Variants in DEF6 observed in about 807,000 individuals in gnomAD.
The protein encoded by DEF6 is DEF6 guanine nucleotide exchange factor, also known as differentially expressed in FDCP 6 homolog.
In DEF6, 32 loss-of-function variants were observed where a neutral mutation model predicts 80.5. The observed-to-expected ratio is 0.40, with a 90% CI of 0.30 to 0.53. The LOEUF (loss-of-function observed/expected upper bound fraction) is 0.53. DEF6 is among the 20% of genes least tolerant of loss of function. The probability of loss-of-function intolerance (pLI) is 0.57; values close to 1 mark genes in which losing one functional copy is unlikely to be tolerated. For synonymous variants in DEF6, 300 were observed against 337.9 expected (o/e 0.89, Z 1.23); for missense variants, 575 against 818.7 (o/e 0.70, Z 3.63).
Position 35,319,786 on chromosome 6 carries a change from C to T in DEF6, c.1383-33C>T. The stretch of plus-strand genomic sequence containing the variant: ...TGTGCACCTGCAAGGTGCCTTGGCA[C>T]TAGAGGCTACACAGTACACACTCAC... On this transcript the variant is annotated intron_variant, in intron 8 of 10. Transcript: ENST00000316637. The surrounding 1 kb of genome is among the most constrained non-coding windows in gnomAD (Gnocchi z 4.5). The T allele has an allele frequency of 6.2e-7, 1 of 1,608,200 alleles. No homozygotes were observed. The highest frequency in any genetic ancestry group is 1.3e-5 in the African/African-American group (1 of 74,884).
chr6:35,318,223 A>C lies in DEF6; in HGVS notation c.967A>C (p.Lys323Gln), dbSNP rs1163617161. The change falls in exon 7 of 11, where the codon AAG becomes CAG. Residue 323 changes from lysine (K) to glutamine (Q), a missense_variant. Coordinates refer to ENST00000316637, the MANE Select transcript of DEF6 (RefSeq NM_022047.4). This position sits in a 1 kb window ranked among gnomAD's most constrained non-coding sequence, Gnocchi z 5.1. ...LQAEGKTSLH[K>Q]DLKQKRREQR... ...GGCCGAGGGGAAGACGTCCCTACAC[A>C]AGGACCTGAAGCAGAAACGGCGCGA... The C allele has an allele frequency of 2.5e-6, 4 of 1,596,490 alleles. No homozygotes were observed. Among genetic ancestry groups the C allele is most frequent in the Non-Finnish European group, 3.4e-6 (4 of 1,172,690 alleles).
Position 35,317,962 on chromosome 6 carries a change from C to G in DEF6, c.879C>G (p.Ser293Arg). Residue 293 changes from serine to arginine, a missense_variant, in exon 6 of 11, where the codon AGC becomes AGG. Coordinates refer to ENST00000316637, the MANE Select transcript of DEF6 (RefSeq NM_022047.4). ...CAGCCAACCGCACGTATGAGATGAG[C>G]GCCTCAGACACGCGCCAGCGCCAGG... is the stretch of plus-strand genomic sequence containing the variant. ...VKTANRTYEM[S>R]ASDTRQRQEW... 1 of 1,613,928 alleles carries G rather than the reference C, an allele frequency of 6.2e-7. No homozygotes were observed. Among genetic ancestry groups the G allele is most frequent in the Non-Finnish European group, 8.5e-7 (1 of 1,179,970 alleles).
chr6:35,298,581 A>G (rs145987271), intron 1 of DEF6, among the ~76,000 whole-genome samples: 252 of 152,328 alleles, frequency 1.7e-3, no homozygotes, highest in Middle Eastern at 6.8e-3. Flanking sequence ...GACCTCAGGT[A>G]GGGAAGGGGG....
chr6:35,306,229 G>A (rs1791388125), intron 1 of DEF6, among the ~76,000 whole-genome samples: 1 of 149,664 alleles, frequency 6.7e-6, no homozygotes, highest in African/African-American at 2.4e-5. Context: ...ATATAATGTT[G>A]GCCGGGCGCG....
chr6:35,314,643 G>A (rs886365392), intron 5 of DEF6, among the ~76,000 whole-genome samples: 6 of 152,018 alleles, frequency 3.9e-5, no homozygotes, highest in African/African-American at 1.5e-4. Flanking sequence ...AGTTGTTTGA[G>A]CTCCTTATAT....
In DEF6 at chr6:35,315,847, C is replaced by CTTT. The variant is rs1159503411; in HGVS notation, c.808-2024_808-2022dup. Among the ~76,000 whole-genome samples the CTTT allele has an allele frequency of 2.1e-3, 239 of 113,776 alleles. 1 individual carries two copies. Among genetic ancestry groups the CTTT allele is most frequent in the East Asian group, 3.2e-3 (13 of 4,096 alleles). 74.6% of individuals were successfully genotyped at this position (113,776 alleles called of 152,430 possible). On this transcript the variant is annotated intron_variant, in intron 5 of 10. Coordinates refer to ENST00000316637, the MANE Select transcript of DEF6 (RefSeq NM_022047.4). ...CTCTAACGGTTTTTTGTTGGAGTCC[C>CTTT]TTTTTTTTTTTTTTTTTTTTTTGAG...
chr6:35,307,808 A>G (rs1166682311), intron 1 of DEF6, among the ~76,000 whole-genome samples: 2 of 152,218 alleles, frequency 1.3e-5, no homozygotes, highest in Admixed American at 1.3e-4. Flanking sequence ...ACACTGAGGC[A>G]AAGTCTCAAT....
chr6:35,307,722 A>AG (rs1055328361), intron 1 of DEF6, among the ~76,000 whole-genome samples: 1 of 152,168 alleles, frequency 6.6e-6, no homozygotes, highest in African/African-American at 2.4e-5. Flanking sequence ...GAGGGAAATG[A>AG]GGGAAAAAAA....
chr6:35,315,915 A>G (rs1375222360), intron 5 of DEF6, among the ~76,000 whole-genome samples: 5 of 144,766 alleles, frequency 3.5e-5, no homozygotes, highest in African/African-American at 5.3e-5. Context: ...CTGGAGTGCA[A>G]TGGCACGATC....
Position 35,318,465 on chromosome 6 carries a change from G to A in DEF6, c.1209G>A (p.Ala403=), listed in dbSNP as rs1436532219. 1 of 1,426,898 alleles carries A rather than the reference G, an allele frequency of 7.0e-7. No individual in the cohort carries two copies. The highest frequency in any genetic ancestry group is 1.5e-5 in the South Asian group (1 of 67,918). 88.4% of individuals were successfully genotyped at this position (1,426,898 alleles called of 1,614,324 possible). A position where few individuals can be genotyped will look rare whatever the true frequency, so the allele number is the denominator to read the frequency against. Residue 403 remains alanine (A), a synonymous_variant, in exon 7 of 11, where the codon GCG becomes GCA. Transcript: ENST00000316637. This position sits in a 1 kb window ranked among gnomAD's most constrained non-coding sequence, Gnocchi z 5.1. The part of the protein sequence containing the change: ...QQALEGQLRE[A]EQARASMQAE... ...CGCTCGAGGGCCAACTGCGCGAGGC[G>A]GAGCAGGTGGGGTTAGCTCCCGGCG... is the stretch of plus-strand genomic sequence containing the variant.
intron 1 of DEF6, among the ~76,000 whole-genome samples, chr6:35,307,378 G>A (rs574570380): frequency 1.5e-4 from 23 of 152,348 alleles, no homozygotes; most frequent in Middle Eastern, 3.4e-3. Flanking sequence ...TAGCCTGGGC[G>A]GCAGATTTGG....
chr6:35,304,132 C>A lies in DEF6; in HGVS notation c.97-5538C>A, dbSNP rs144889977. Among the ~76,000 whole-genome samples, 226 of 151,564 alleles carry A rather than the reference C, an allele frequency of 1.5e-3. 1 individual carries two copies. The highest frequency in any genetic ancestry group is 1.2e-3 in the Non-Finnish European group (81 of 67,840). ...TGGGCACAAGAGCAAAACTACATTGCAAAAAAAAGAAAACACACACACACA... is the reference window on the plus strand; with the variant it reads ...TGGGCACAAGAGCAAAACTACATTGAAAAAAAAAGAAAACACACACACACA... On this transcript the variant is annotated intron_variant, in intron 1 of 10. Coordinates refer to ENST00000316637, the MANE Select transcript of DEF6 (RefSeq NM_022047.4).
chr6:35,309,024 G>A (rs1010317632), intron 1 of DEF6, among the ~76,000 whole-genome samples: 2 of 152,130 alleles, frequency 1.3e-5, no homozygotes, highest in African/African-American at 4.8e-5. Context: ...CCATGTCATG[G>A]ACCATTTTTC....
rs930606962 is a variant in DEF6, at chr6:35,309,716, C to T, written c.143C>T (p.Pro48Leu). ...LYTVLHIPHDPVALEEHFRDD... is the reference protein window; with the variant it reads ...LYTVLHIPHDLVALEEHFRDD... Reference sequence around the variant, plus strand: ...ACGGTCCTGCACATCCCCCATGACCCCGTGGCCCTGGAGGAACACTTCCGA... The same window carrying T: ...ACGGTCCTGCACATCCCCCATGACCTCGTGGCCCTGGAGGAACACTTCCGA... Residue 48 changes from proline (P) to leucine (L), a missense_variant, in exon 2 of 11, where the codon CCC (proline) becomes CTC (leucine). Physicochemically the swap from Pro to Leu is moderately conservative, Grantham distance 98. Coordinates refer to ENST00000316637, the MANE Select transcript of DEF6 (RefSeq NM_022047.4). 3 of 1,614,042 alleles carry T rather than the reference C, an allele frequency of 1.9e-6. No homozygotes were observed. The Admixed American group carries it at 5.0e-5, about 27-fold the overall frequency.
chr6:35,300,409 G>A (rs904073014), intron 1 of DEF6, among the ~76,000 whole-genome samples: 8 of 152,086 alleles, frequency 5.3e-5, no homozygotes, highest in South Asian at 2.1e-4. Flanking sequence ...AAGATGTGTC[G>A]GTGCGTGACA....
In DEF6 at chr6:35,319,487, G is replaced by T; in HGVS notation, c.1216-37G>T. The T allele has an allele frequency of 2.2e-5, 31 of 1,436,820 alleles. No individual in the cohort carries two copies. The highest frequency in any genetic ancestry group is 2.4e-4 in the Middle Eastern group (1 of 4,150). The allele number at this position is 1,436,820 out of a possible 1,614,324, so 89.0% of individuals were successfully genotyped here. On this transcript the variant is annotated intron_variant, in intron 7 of 10. Transcript: ENST00000316637. The surrounding 1 kb of genome is among the most constrained non-coding windows in gnomAD (Gnocchi z 4.5). ...TCCTCCGCCCCCACGTGCCCCTTTT[G>T]ACCTGGCTCTTGGTCCACCACCTCC...
At chr6:35,317,747 G>A in intron 5 of DEF6, 144 bp from the exon 6 acceptor site, 1 of 583,048 alleles carries the variant, frequency 1.7e-6, no homozygotes, top group East Asian at 3.2e-5. Context: ...AACTTATGAT[G>A]CAAGCCATGC....
At chr6:35,310,079 C>G (rs1229609014) in intron 2 of DEF6, among the ~76,000 whole-genome samples, 1 of 152,074 alleles carries the variant, frequency 6.6e-6, no homozygotes, top group Non-Finnish European at 1.5e-5. Context: ...CTGCCCGGCC[C>G]TCCTCCAGCT....
intron 1 of DEF6, among the ~76,000 whole-genome samples, chr6:35,306,022 A>G (rs10947542): frequency 0.68 from 102,428 of 151,580 alleles, 37,753 homozygotes; most frequent in Non-Finnish European, 0.82. Flanking sequence ...CCTCCCAAGT[A>G]GCTGGGATTA....
Sources: allele counts gnomAD v4.1 joint callset (sites outside exome capture counted in the v4.1 genomes callset), GRCh38; gene constraint gnomAD v4.1.1; non-coding constraint Gnocchi (gnomAD v3.1); transcripts MANE v1.5; gene names NCBI Gene and HGNC (gene_info 2026-07-23, HGNC 2026-07-21).